The following RAB3GAP1 variants were observed in gnomAD, a reference collection of about 807,000 sequenced individuals.
The protein encoded by RAB3GAP1 is RAB3 GTPase activating protein catalytic subunit 1, also known as rab3 GTPase-activating protein catalytic subunit.
RAB3GAP1 carries 86 observed loss-of-function variants against 130.7 expected under a neutral mutation model. That is an observed-to-expected ratio of 0.66 (90% CI 0.55 to 0.79). RAB3GAP1 has a LOEUF of 0.79. Among genes scored for constraint, RAB3GAP1 ranks in the 30% least tolerant of loss-of-function variants. RAB3GAP1 has a pLI of 0.00. For synonymous variants in RAB3GAP1, 367 were observed against 401.7 expected (o/e 0.91, Z 1.03); for missense variants, 1,029 against 1,169.4 (o/e 0.88, Z 1.75).
At chr2:135,075,653 A>T (rs1292492709) in intron 3 of RAB3GAP1, among the ~76,000 whole-genome samples, 35 of 125,306 alleles carry the variant, frequency 2.8e-4, no homozygotes, top group Middle Eastern at 4.4e-3. Context: ...TTTTTTTTAA[A>T]TTTTTTTTTA....
At chr2:135,154,135 G>C (rs1352300849) in intron 19 of RAB3GAP1, among the ~76,000 whole-genome samples, 1 of 152,150 alleles carries the variant, frequency 6.6e-6, no homozygotes. Flanking sequence ...TGTTAAAAAT[G>C]GGTATGTCCT....
At chr2:135,061,431 A>G (rs1454348839) in intron 3 of RAB3GAP1, among the ~76,000 whole-genome samples, 3 of 152,148 alleles carry the variant, frequency 2.0e-5, no homozygotes. Flanking sequence ...CTCACCAACA[A>G]TCAGTTGTTT....
intron 4 of RAB3GAP1, among the ~76,000 whole-genome samples, chr2:135,092,338 A>G (rs1458134888): frequency 6.6e-6 from 1 of 152,238 alleles, no homozygotes; most frequent in African/African-American, 2.4e-5. Flanking sequence ...AGGGAAGATC[A>G]TGCATCAAGG....
At chr2:135,139,002 T>G (rs1691762270) in intron 17 of RAB3GAP1, among the ~76,000 whole-genome samples, 1 of 152,162 alleles carries the variant, frequency 6.6e-6, no homozygotes, top group Non-Finnish European at 1.5e-5. Flanking sequence ...TGTTTTAGAT[T>G]GTATTTTTCT....
intron 5 of RAB3GAP1, among the ~76,000 whole-genome samples, chr2:135,106,451 C>T (rs1415678630): frequency 1.3e-5 from 2 of 152,126 alleles, no homozygotes; most frequent in African/African-American, 2.4e-5. Context: ...AATCTATAAC[C>T]TTACCCCCAA....
At chr2:135,078,338 C>T (rs1297521975) in intron 3 of RAB3GAP1, among the ~76,000 whole-genome samples, 2 of 152,038 alleles carry the variant, frequency 1.3e-5, no homozygotes, top group Non-Finnish European at 2.9e-5. Flanking sequence ...TTTTTTAGTA[C>T]TTCTAAAGAA....
At chr2:135,137,249 A>G in intron 17 of RAB3GAP1, 3 of 417,782 alleles carry the variant, frequency 7.2e-6, no homozygotes, top group South Asian at 5.3e-5. Flanking sequence ...TGAGAACATG[A>G]TGTCTGTAGT....
At chr2:135,163,782 A>G (rs931324239) in intron 22 of RAB3GAP1, among the ~76,000 whole-genome samples, 6 of 152,174 alleles carry the variant, frequency 3.9e-5, no homozygotes, top group Non-Finnish European at 8.8e-5. Flanking sequence ...TCATTTAAAA[A>G]TTTTCATTAG....
chr2:135,101,663 TATAAA>T (rs1690452877), intron 5 of RAB3GAP1, among the ~76,000 whole-genome samples: 1 of 152,268 alleles, frequency 6.6e-6, no homozygotes, highest in Non-Finnish European at 1.5e-5. Context: ...AAGGGACTTT[TATAAA>T]AGTGGACTTT....
intron 3 of RAB3GAP1, among the ~76,000 whole-genome samples, chr2:135,076,926 C>T (rs1689647733): frequency 6.6e-6 from 1 of 152,172 alleles, no homozygotes; most frequent in South Asian, 2.1e-4. Context: ...GAATTTCATT[C>T]CTTTTGAAGG....
chr2:135,113,409 T>C (rs1690877690), intron 6 of RAB3GAP1, 139 bp downstream of exon 6: 2 of 1,111,708 alleles, frequency 1.8e-6, no homozygotes, highest in African/African-American at 3.1e-5. Context: ...AAATTTGACT[T>C]GAGGTTACCT....
At chr2:135,110,202 T>C (rs1690758085) in intron 5 of RAB3GAP1, among the ~76,000 whole-genome samples, 1 of 151,970 alleles carries the variant, frequency 6.6e-6, no homozygotes, top group Non-Finnish European at 1.5e-5. Flanking sequence ...GGTGTGATGA[T>C]GGTTCACTAC....
In RAB3GAP1 at chr2:135,135,197, G is replaced by GA. The variant is rs1262553751; in HGVS notation, c.1500-64dup. ...TATAGCTAAAAATTATGGTAGTATA[G>GA]AAAATAATCATATCTGAAGCAATTT... On this transcript the variant is annotated intron_variant, in intron 15 of 23. Transcript: ENST00000264158. 4 of 1,274,198 alleles carry GA rather than the reference G, an allele frequency of 3.1e-6. No individual in the cohort carries two copies. The African/African-American group carries it at 5.9e-5, about 19-fold the overall frequency. 78.9% of individuals were successfully genotyped at this position (1,274,198 alleles called of 1,614,324 possible). A position where few individuals can be genotyped will look rare whatever the true frequency, so the allele number is the denominator to read the frequency against.
intron 18 of RAB3GAP1, chr2:135,152,770 G>A (rs1285973989): frequency 6.6e-6 from 1 of 152,166 alleles, no homozygotes; most frequent in Non-Finnish European, 1.5e-5. Flanking sequence ...ATTTAAGACA[G>A]AACATTCTCA....
chr2:135,090,055 C>G (rs1227681029), intron 3 of RAB3GAP1, among the ~76,000 whole-genome samples: 1 of 152,154 alleles, frequency 6.6e-6, no homozygotes, highest in Non-Finnish European at 1.5e-5. Context: ...CCTGCATGTT[C>G]TGCATGTGCA....
intron 3 of RAB3GAP1, among the ~76,000 whole-genome samples, chr2:135,069,324 A>T (rs1313003364): frequency 2.0e-5 from 3 of 152,196 alleles, no homozygotes; most frequent in African/African-American, 4.8e-5. Flanking sequence ...CAGAAGATGG[A>T]AAGTCTTCTG....
chr2:135,135,384 A>G, intron 16 of RAB3GAP1, 65 bp downstream of exon 16: 1 of 1,495,640 alleles, frequency 6.7e-7, no homozygotes, highest in South Asian at 1.1e-5. Context: ...CTAATACTAA[A>G]TGTAATAATG....
intron 3 of RAB3GAP1, among the ~76,000 whole-genome samples, chr2:135,086,741 A>G (rs1265585932): frequency 1.5e-5 from 2 of 136,302 alleles, no homozygotes; most frequent in African/African-American, 5.8e-5. Context: ...TGGTACAATC[A>G]TAGCTCACTG....
chr2:135,101,712 T>C (rs1368958826), intron 5 of RAB3GAP1, among the ~76,000 whole-genome samples: 1 of 152,252 alleles, frequency 6.6e-6, no homozygotes, highest in Non-Finnish European at 1.5e-5. Context: ...TTTTATGTTC[T>C]TGGCAATGTA....
Sources: allele counts gnomAD v4.1 joint callset (sites outside exome capture counted in the v4.1 genomes callset), GRCh38; gene constraint gnomAD v4.1.1; transcripts MANE v1.5; gene names NCBI Gene and HGNC (gene_info 2026-07-23, HGNC 2026-07-21).